STON2: variants seen among roughly 807,000 people sequenced by gnomAD.
STON2 encodes the protein stonin 2, also known as stonin-2.
STON2 carries 29 observed loss-of-function variants against 65.7 expected under a neutral mutation model. The observed-to-expected ratio is 0.44, with a 90% CI of 0.33 to 0.60. The LOEUF (loss-of-function observed/expected upper bound fraction) is 0.60. STON2 is among the 20% of genes least tolerant of loss of function. The probability of loss-of-function intolerance (pLI) is 0.03; values close to 1 mark genes in which losing one functional copy is unlikely to be tolerated. For synonymous variants in STON2, 404 were observed against 414.2 expected, an observed-to-expected ratio of 0.98 and a Z score of 0.30; for missense variants, 1,054 against 1,118.1, an observed-to-expected ratio of 0.94 and a Z score of 0.82.
At chr14:81,338,347 A>G (rs778358426) in intron 4 of STON2, among the ~76,000 whole-genome samples, 16 of 152,318 alleles carry the variant, frequency 1.1e-4, no homozygotes, top group Middle Eastern at 3.4e-3. Flanking sequence ...AAGCCTCCAT[A>G]GAAAACCAAA....
At chr14:81,328,628 A>T (rs1320326739) in intron 4 of STON2, among the ~76,000 whole-genome samples, 1 of 152,144 alleles carries the variant, frequency 6.6e-6, no homozygotes, top group Non-Finnish European at 1.5e-5. Context: ...GTCCTCTCCA[A>T]ATCTCATACT....
chr14:81,403,360 A>G (rs1163185070), upstream of STON2, among the ~76,000 whole-genome samples: 2 of 152,206 alleles, frequency 1.3e-5, no homozygotes, highest in Non-Finnish European at 2.9e-5. Flanking sequence ...ATTTTGCCAT[A>G]AAACCTTTAT....
intron 4 of STON2, among the ~76,000 whole-genome samples, chr14:81,325,908 T>C (rs1896989124): frequency 6.6e-6 from 1 of 151,826 alleles, no homozygotes. Context: ...TACAATTGAA[T>C]AGATACTACA....
Position 81,277,657 on chromosome 14 carries a change from G to T in STON2, c.1825C>A (p.Leu609Met), listed in dbSNP as rs188997176. The change falls in exon 6 of 8, where the codon CTG (leucine) becomes ATG (methionine). Residue 609 changes from leucine (L) to methionine (M), a missense_variant. Leu to Met is a conservative substitution (Grantham distance 15). Transcript: ENST00000614646. ...CTCAAGTCCATTGACAACACTGGCA[G>T]ATCCATGAGACGGTCCTGAACTGCA... is the stretch of plus-strand genomic sequence containing the variant. ...IHAVQDRLMD[L>M]PVLSMDLSTV... The T allele has an allele frequency of 5.0e-4, 807 of 1,614,198 alleles. No individual in the cohort carries two copies. The highest frequency in any genetic ancestry group is 6.2e-4 in the Non-Finnish European group (736 of 1,180,038).
intron 5 of STON2, among the ~76,000 whole-genome samples, chr14:81,285,881 C>T (rs1895312347): frequency 6.6e-6 from 1 of 152,198 alleles, no homozygotes; most frequent in Non-Finnish European, 1.5e-5. Context: ...GGTGCGGTGG[C>T]TCATGCCTGT....
upstream of STON2, among the ~76,000 whole-genome samples, chr14:81,401,903 G>A (rs902709638): frequency 6.6e-6 from 1 of 152,142 alleles, no homozygotes; most frequent in East Asian, 1.9e-4. Context: ...GGGACTGGGT[G>A]GGTTTCTGAG....
At chr14:81,338,448 C>T (rs1897460143) in intron 4 of STON2, among the ~76,000 whole-genome samples, 1 of 152,204 alleles carries the variant, frequency 6.6e-6, no homozygotes. Context: ...ACATGTCTTG[C>T]TCTGTGTGTC....
chr14:81,339,733 A>C (rs574264910), intron 4 of STON2, among the ~76,000 whole-genome samples: 1 of 152,344 alleles, frequency 6.6e-6, no homozygotes, highest in South Asian at 2.1e-4. Flanking sequence ...CTCCTCAAAC[A>C]CTAAAAAGTT....
intron 2 of STON2, among the ~76,000 whole-genome samples, chr14:81,411,917 G>C (rs1020029795): frequency 3.0e-5 from 3 of 98,414 alleles, no homozygotes; most frequent in Non-Finnish European, 5.5e-5. Flanking sequence ...TCTCTGAAGA[G>C]GTGACATTTA....
At position 81,263,741 on chromosome 14, in the gene STON2, G is replaced by A. The variant is rs1442542175; in HGVS notation, c.*4673C>T. ...TAACATATAATCCTCATTTTTAGAAGAGTTAAAGTTACCACTCGAACTGGG... is the reference window on the plus strand; with the variant it reads ...TAACATATAATCCTCATTTTTAGAAAAGTTAAAGTTACCACTCGAACTGGG... On this transcript the variant is annotated 3_prime_UTR_variant, in exon 8 of 8. Coordinates refer to ENST00000614646, the MANE Select transcript of STON2 (RefSeq NM_001394390.1). The A allele has an allele frequency of 2.0e-6, 2 of 985,072 alleles. No homozygotes were observed. The highest frequency in any genetic ancestry group is 1.2e-4 in the Admixed American group (2 of 16,234). The allele number at this position is 985,072 out of a possible 1,614,324, so 61.0% of individuals were successfully genotyped here.
chr14:81,300,756 G>T (rs1474977543), intron 5 of STON2, among the ~76,000 whole-genome samples: 1 of 152,132 alleles, frequency 6.6e-6, no homozygotes, highest in Non-Finnish European at 1.5e-5. Flanking sequence ...AAATGGTTTG[G>T]CAGTTAAAAA....
chr14:81,368,497 T>C (rs1247383812), intron 4 of STON2, among the ~76,000 whole-genome samples: 1 of 152,168 alleles, frequency 6.6e-6, no homozygotes, highest in African/African-American at 2.4e-5. Flanking sequence ...GTGGATCACC[T>C]GAGGTCAGGA....
intron 5 of STON2, among the ~76,000 whole-genome samples, chr14:81,281,659 C>T (rs1895126871): frequency 1.3e-5 from 2 of 152,158 alleles, no homozygotes; most frequent in African/African-American, 2.4e-5. Context: ...TTCTCATCTT[C>T]TAAGCCAAAA....
intron 4 of STON2, among the ~76,000 whole-genome samples, chr14:81,342,936 A>C (rs1224765182): frequency 6.6e-6 from 1 of 152,170 alleles, no homozygotes; most frequent in Non-Finnish European, 1.5e-5. Flanking sequence ...CCTGCTTTCC[A>C]CTGGCCCCAA....
chr14:81,390,242 T>TGAAA (rs1272376810), intron 3 of STON2, among the ~76,000 whole-genome samples: 1 of 151,336 alleles, frequency 6.6e-6, no homozygotes, highest in Non-Finnish European at 1.5e-5. Context: ...AAGTAGTGGT[T>TGAAA]GAAAGACAAC....
At chr14:81,413,097 A>C in intron 2 of STON2, 1 of 1,152,690 alleles carries the variant, frequency 8.7e-7, no homozygotes, top group Non-Finnish European at 1.3e-6. Context: ...GCTCATATCA[A>C]GAAGGAATGT....
At chr14:81,376,673 CAAT>C (rs1463959792) in intron 3 of STON2, among the ~76,000 whole-genome samples, 1 of 152,092 alleles carries the variant, frequency 6.6e-6, no homozygotes, top group Non-Finnish European at 1.5e-5. Flanking sequence ...AATATATACC[CAAT>C]TTATATGTAA....
chr14:81,269,553 T>G (rs1894489059), intron 7 of STON2: 1 of 985,286 alleles, frequency 1.0e-6, no homozygotes, highest in Admixed American at 6.2e-5. Flanking sequence ...TACAGGGTAA[T>G]GATTCAACAC....
At chr14:81,360,910 C>A (rs796751997) in intron 4 of STON2, among the ~76,000 whole-genome samples, 29 of 152,094 alleles carry the variant, frequency 1.9e-4, no homozygotes, top group African/African-American at 6.3e-4. Context: ...GAGAACAATT[C>A]CATTTACAAT....
Sources: allele counts gnomAD v4.1 joint callset (sites outside exome capture counted in the v4.1 genomes callset), GRCh38; gene constraint gnomAD v4.1.1; transcripts MANE v1.5; gene names NCBI Gene and HGNC (gene_info 2026-07-23, HGNC 2026-07-21).